RBFOX1: variants seen among roughly 807,000 people sequenced by gnomAD.
The protein encoded by RBFOX1 is RNA binding fox-1 homolog 1, also known as RNA binding protein fox-1 homolog 1.
RBFOX1 carries 8 observed loss-of-function variants against 57.7 expected under a neutral mutation model. The ratio of observed to expected loss-of-function variants is 0.14; its 90% CI spans 0.08 to 0.25. The LOEUF (loss-of-function observed/expected upper bound fraction) is 0.25. RBFOX1 is among the 10% of genes least tolerant of loss of function. The probability of loss-of-function intolerance (pLI) is 1.00; values close to 1 mark genes in which losing one functional copy is unlikely to be tolerated. For missense variants in RBFOX1, 611 were observed against 548.5 expected (o/e 1.11, Z -1.14); for synonymous variants, 326 against 222.4 (o/e 1.47, Z -4.15).
At chr16:7,110,782 T>A (rs915467532) in intron 4 of RBFOX1, among the ~76,000 whole-genome samples, 2 of 152,188 alleles carry the variant, frequency 1.3e-5, no homozygotes, top group African/African-American at 2.4e-5. Context: ...AGTGGTCATG[T>A]CACAGGAGAA....
intron 1 of RBFOX1, chr16:5,365,916 C>T (rs886065041): frequency 2.0e-5 from 10 of 495,074 alleles, no homozygotes; most frequent in Non-Finnish European, 3.6e-5. Context: ...AAAGGAGCAC[C>T]AGTTATCTTT....
At chr16:7,007,210 T>C (rs536042568) in intron 3 of RBFOX1, among the ~76,000 whole-genome samples, 10 of 152,350 alleles carry the variant, frequency 6.6e-5, no homozygotes, top group African/African-American at 2.4e-4. Context: ...ATTTCTTTAC[T>C]GGCTGGTAGC....
chr16:7,656,312 A>C (rs1825471616), intron 12 of RBFOX1, among the ~76,000 whole-genome samples: 1 of 152,138 alleles, frequency 6.6e-6, no homozygotes, highest in African/African-American at 2.4e-5. Context: ...GGAATGAAAA[A>C]CTTTGAGGCC....
intron 3 of RBFOX1, among the ~76,000 whole-genome samples, chr16:6,757,830 T>G (rs1004179861): frequency 6.6e-6 from 1 of 152,178 alleles, no homozygotes; most frequent in Non-Finnish European, 1.5e-5. Flanking sequence ...GACAAATGTT[T>G]GAGGTGATGG....
intron 4 of RBFOX1, among the ~76,000 whole-genome samples, chr16:7,268,905 C>T (rs1375383558): frequency 6.6e-6 from 1 of 151,764 alleles, no homozygotes; most frequent in African/African-American, 2.4e-5. Context: ...AGCGTGGTGG[C>T]AAATGCCTGC....
chr16:6,337,760 C>T (rs1238959546), intron 2 of RBFOX1, among the ~76,000 whole-genome samples: 2 of 152,162 alleles, frequency 1.3e-5, no homozygotes, highest in South Asian at 2.1e-4. Context: ...ATTAAAGTGA[C>T]AGTGGCACAG....
downstream of RBFOX1, among the ~76,000 whole-genome samples, chr16:5,600,476 G>C (rs948897993): frequency 7.8e-5 from 9 of 115,232 alleles, no homozygotes; most frequent in East Asian, 1.7e-3. Flanking sequence ...AACAGAGTAA[G>C]AGCCTGTCTC....
chr16:7,095,455 A>T (rs974781019), intron 4 of RBFOX1, among the ~76,000 whole-genome samples: 22 of 152,284 alleles, frequency 1.4e-4, no homozygotes, highest in African/African-American at 5.3e-4. Flanking sequence ...TTCTTCCTTA[A>T]TAGAACTCAT....
chr16:6,725,053 TTTTTC>T lies in RBFOX1; in HGVS notation c.-16+70408_-16+70412del, dbSNP rs1431986621. ...TTGGTTTTGGCTAGCTTTTTTTTTT[TTTTTC>T]TTTTTTTTTTGAGACAAAGTCTTGC... is the stretch of plus-strand genomic sequence containing the variant. On this transcript the variant is annotated intron_variant, in intron 3 of 15. Transcript: ENST00000550418. Among the ~76,000 whole-genome samples, 11 of 52,630 alleles carry T rather than the reference TTTTTC, an allele frequency of 2.1e-4. No homozygotes were observed. In the East Asian group the frequency reaches 5.6e-3, roughly 27 times the overall value. 34.5% of individuals were successfully genotyped at this position (52,630 alleles called of 152,430 possible).
chr16:6,484,875 CAG>C (rs1425830021), intron 2 of RBFOX1, among the ~76,000 whole-genome samples: 2 of 152,154 alleles, frequency 1.3e-5, no homozygotes, highest in East Asian at 1.9e-4. Flanking sequence ...TTTGGTTACA[CAG>C]AAATGAATGC....
intron 3 of RBFOX1, among the ~76,000 whole-genome samples, chr16:6,888,049 T>C (rs1328455738): frequency 1.3e-5 from 2 of 152,110 alleles, no homozygotes; most frequent in Non-Finnish European, 2.9e-5. Context: ...GTGTGTCTGA[T>C]TTGGGGAAGA....
chr16:5,906,727 CTTTTTTTTTTT>C lies in RBFOX1; in HGVS notation c.351+39407_351+39417del, dbSNP rs57589514. Among the ~76,000 whole-genome samples the C allele has an allele frequency of 3.6e-4, 26 of 71,488 alleles. 3 individuals carry two copies. The highest frequency in any genetic ancestry group is 3.1e-3 in the Admixed American group (14 of 4,494). The allele number at this position is 71,488 out of a possible 152,430, so 46.9% of individuals were successfully genotyped here. A position where few individuals can be genotyped will look rare whatever the true frequency, so the allele number is the denominator to read the frequency against. On this transcript the variant is annotated intron_variant, in intron 4 of 19. Coordinates refer to the RBFOX1 transcript ENST00000641259. Reference sequence around the variant, plus strand: ...CCGCTGAAGCCATGAATCCTAGATTCTTTTTTTTTTTTTTTTTTTTTTTTTGAGATGGAGTC... The same window carrying C: ...CCGCTGAAGCCATGAATCCTAGATTCTTTTTTTTTTTTTTGAGATGGAGTC...
chr16:7,377,906 C>G (rs2097713755), intron 4 of RBFOX1, among the ~76,000 whole-genome samples: 1 of 152,102 alleles, frequency 6.6e-6, no homozygotes, highest in Admixed American at 6.5e-5. Context: ...AGTTTGGAGA[C>G]TCAGAGAAGT....
intron 3 of RBFOX1, among the ~76,000 whole-genome samples, chr16:6,913,282 T>C (rs2072184856): frequency 6.6e-6 from 1 of 152,166 alleles, no homozygotes; most frequent in Non-Finnish European, 1.5e-5. Flanking sequence ...TTCATTTCCA[T>C]AATTACAGCC....
At chr16:7,172,422 T>C (rs543016444) in intron 4 of RBFOX1, among the ~76,000 whole-genome samples, 8 of 152,310 alleles carry the variant, frequency 5.3e-5, no homozygotes, top group African/African-American at 1.9e-4. Context: ...ATTCCCACCA[T>C]GGCAGTGGTG....
At chr16:6,520,877 G>A (rs1014829311) in intron 2 of RBFOX1, among the ~76,000 whole-genome samples, 1 of 151,972 alleles carries the variant, frequency 6.6e-6, no homozygotes, top group African/African-American at 2.4e-5. Flanking sequence ...AAAGTAGGCA[G>A]ACGTTGCTGA....
At chr16:6,551,659 G>A (rs117491074) in intron 2 of RBFOX1, among the ~76,000 whole-genome samples, 2,265 of 152,292 alleles carry the variant, frequency 0.015, 17 homozygotes, top group Middle Eastern at 0.027. Context: ...GCCTGGGAAT[G>A]TGTAGCTAAT....
At chr16:7,234,079 A>G (rs1231328316) in intron 4 of RBFOX1, among the ~76,000 whole-genome samples, 2 of 152,186 alleles carry the variant, frequency 1.3e-5, no homozygotes, top group Non-Finnish European at 2.9e-5. Flanking sequence ...AAATTATGTC[A>G]CAAGAATGCT....
chr16:5,469,087 G>A (rs998100409), intron 2 of RBFOX1, among the ~76,000 whole-genome samples: 4 of 152,222 alleles, frequency 2.6e-5, no homozygotes, highest in African/African-American at 9.7e-5. Flanking sequence ...CTTGGGAGGT[G>A]GGTACTAGAG....
Sources: allele counts gnomAD v4.1 joint callset (sites outside exome capture counted in the v4.1 genomes callset), GRCh38; gene constraint gnomAD v4.1.1; transcripts MANE v1.5; gene names NCBI Gene and HGNC (gene_info 2026-07-23, HGNC 2026-07-21).